WDR44: variants seen among roughly 807,000 people sequenced by gnomAD.
The protein encoded by WDR44 is WD repeat domain 44.
Under a neutral mutation model 65.7 loss-of-function variants are expected in WDR44, and 9 were observed. The ratio of observed to expected loss-of-function variants is 0.14; its 90% CI spans 0.08 to 0.24. The LOEUF is 0.24. Among genes scored for constraint, WDR44 ranks in the 10% least tolerant of loss-of-function variants. The probability of loss-of-function intolerance (pLI) is 1.00; values close to 1 mark genes in which losing one functional copy is unlikely to be tolerated. For missense variants in WDR44, 425 were observed against 670.9 expected (o/e 0.63, Z 4.05); for synonymous variants, 220 against 235.2 (o/e 0.94, Z 0.59).
intron 12 of WDR44, among the ~76,000 whole-genome samples, chrX:118,427,800 G>A (rs370967619): frequency 5.7e-5 from 6 of 104,953 alleles, no homozygotes; most frequent in African/African-American, 2.1e-4. Flanking sequence ...TCAGCCTCCC[G>A]AGTAGCTGGG....
intron 14 of WDR44, among the ~76,000 whole-genome samples, chrX:118,437,527 C>G (rs2057263686): frequency 8.9e-6 from 1 of 112,061 alleles, no homozygotes; most frequent in South Asian, 3.7e-4. Flanking sequence ...CTGACCCTAG[C>G]AACAAGTTTC....
intron 8 of WDR44, among the ~76,000 whole-genome samples, chrX:118,399,213 A>C (rs2056891782): frequency 8.9e-6 from 1 of 112,124 alleles, no homozygotes; most frequent in African/African-American, 3.2e-5. Context: ...TGTTATCTTA[A>C]ACTGTTTTCA....
rs2056409555 is a variant in WDR44 at position 118,352,091 on chromosome X, C to G, written c.77+5511C>G. 2.8e-5 allele frequency among the ~76,000 whole-genome samples: 3 copies of G among 106,873 alleles called. No homozygotes were observed. The Admixed American group carries it at 3.1e-4, about 11-fold the overall frequency. 92.8% of individuals were successfully genotyped at this position (106,873 alleles called of 115,157 possible). A position where few individuals can be genotyped will look rare whatever the true frequency, so the allele number is the denominator to read the frequency against. On this transcript the variant is annotated intron_variant, in intron 1 of 19. Coordinates refer to ENST00000254029, the MANE Select transcript of WDR44 (RefSeq NM_019045.5). ...TGTAAATTGGAAACTGTATTCTCTTCTTGTGATAATCTACTTCATAAGATA... is the reference window on the plus strand; with the variant it reads ...TGTAAATTGGAAACTGTATTCTCTTGTTGTGATAATCTACTTCATAAGATA...
intron 14 of WDR44, among the ~76,000 whole-genome samples, chrX:118,441,037 G>A (rs1469814743): frequency 1.1e-5 from 1 of 89,161 alleles, no homozygotes; most frequent in African/African-American, 4.6e-5. Context: ...TTGGCTCACT[G>A]CAACCTCCAC....
intron 10 of WDR44, among the ~76,000 whole-genome samples, chrX:118,408,142 A>G (rs755344964): frequency 1.8e-5 from 2 of 111,787 alleles, no homozygotes; most frequent in Admixed American, 9.6e-5. Context: ...GTAGAAGTGA[A>G]TGGTTATTTC....
At chrX:118,349,332 A>C (rs1329808316) in intron 1 of WDR44, among the ~76,000 whole-genome samples, 1 of 103,305 alleles carries the variant, frequency 9.7e-6, no homozygotes, top group Non-Finnish European at 2.0e-5. Context: ...CTGCAGCATC[A>C]AACTCCTAAG....
chrX:118,350,559 C>T (rs1344527379), intron 1 of WDR44, among the ~76,000 whole-genome samples: 1 of 111,148 alleles, frequency 9.0e-6, no homozygotes, highest in Non-Finnish European at 1.9e-5. Flanking sequence ...GTAAATCTTT[C>T]GTGATTTTTT....
At chrX:118,396,828 TA>T (rs903168026) in intron 6 of WDR44, 141 bp from the exon 7 acceptor site, 3 of 569,478 alleles carry the variant, frequency 5.3e-6, no homozygotes, top group Non-Finnish European at 7.5e-6. Flanking sequence ...TATATCTCAA[TA>T]AAAATGTTAG....
intron 1 of WDR44, among the ~76,000 whole-genome samples, chrX:118,371,986 T>C: frequency 9.9e-6 from 1 of 100,900 alleles, no homozygotes. Flanking sequence ...TCTATTTTTC[T>C]TTTTTTATTT....
intron 1 of WDR44, among the ~76,000 whole-genome samples, chrX:118,347,634 C>T (rs1364272962): frequency 1.8e-5 from 2 of 112,584 alleles, no homozygotes; most frequent in Non-Finnish European, 3.8e-5. Context: ...CTCACACTTA[C>T]TCCGTGGGAG....
intron 13 of WDR44, among the ~76,000 whole-genome samples, chrX:118,433,360 T>G (rs2057227481): frequency 1.8e-5 from 2 of 111,018 alleles, no homozygotes; most frequent in Non-Finnish European, 1.9e-5. Flanking sequence ...CACTGACTAT[T>G]CCCTTGTTTC....
intron 1 of WDR44, among the ~76,000 whole-genome samples, chrX:118,371,493 T>G (rs2056613553): frequency 8.9e-6 from 1 of 111,802 alleles, no homozygotes. Context: ...AAGAATATAT[T>G]AATTTGCTTG....
intron 14 of WDR44, among the ~76,000 whole-genome samples, chrX:118,439,729 A>G (rs2147751365): frequency 9.0e-6 from 1 of 110,834 alleles, no homozygotes; most frequent in African/African-American, 3.3e-5. Flanking sequence ...ATTGTCTTTG[A>G]CAGGTTTCAG....
intron 1 of WDR44, among the ~76,000 whole-genome samples, chrX:118,368,278 C>T (rs959568181): frequency 1.8e-5 from 2 of 109,327 alleles, no homozygotes; most frequent in Non-Finnish European, 3.8e-5. Context: ...TTATTGTCAT[C>T]GCATCAGTGA....
intron 1 of WDR44, among the ~76,000 whole-genome samples, chrX:118,356,921 G>T (rs760216072): frequency 1.1e-4 from 11 of 101,478 alleles, no homozygotes; most frequent in Non-Finnish European, 1.6e-4. Flanking sequence ...TCGGCTTACT[G>T]CAACCTCCAC....
At chrX:118,374,160 C>T (rs147715407) in intron 1 of WDR44, among the ~76,000 whole-genome samples, 1 of 108,723 alleles carries the variant, frequency 9.2e-6, no homozygotes, top group Non-Finnish European at 1.9e-5. Context: ...CATTGTTCAG[C>T]TCCCACTTAT....
At chrX:118,420,137 A>G (rs1354709580) in intron 12 of WDR44, among the ~76,000 whole-genome samples, 1 of 110,730 alleles carries the variant, frequency 9.0e-6, no homozygotes, top group Non-Finnish European at 1.9e-5. Flanking sequence ...AATGCTTGCC[A>G]TAGTCTCCTA....
rs903833109 is a variant in WDR44 at position 118,409,623 on chromosome X, T to C, written c.1668T>C (p.Thr556=). The C allele has an allele frequency of 8.4e-7, 1 of 1,183,451 alleles. No homozygotes were observed. Among genetic ancestry groups the C allele is most frequent in the African/African-American group, 1.8e-5 (1 of 56,181 alleles). The change falls in exon 11 of 20, where the codon ACT becomes ACC. Residue 556 remains threonine, a synonymous_variant. Transcript: ENST00000254029. ...YFNNMRMKYN[T]EGRVSPSPSQ... ...ACAATATGCGAATGAAATACAATAC[T>C]GAAGGTATTTTTCATCTATTTAAAA...
chrX:118,351,704 G>A (rs1399143105), intron 1 of WDR44, among the ~76,000 whole-genome samples: 19 of 111,449 alleles, frequency 1.7e-4, no homozygotes. Flanking sequence ...AATCTCAGCA[G>A]TTTGGGAGGC....
Sources: allele counts gnomAD v4.1 joint callset (sites outside exome capture counted in the v4.1 genomes callset), GRCh38; gene constraint gnomAD v4.1.1; transcripts MANE v1.5; gene names NCBI Gene and HGNC (gene_info 2026-07-23, HGNC 2026-07-21).